The following MBNL1 variants were observed in gnomAD, a reference collection of about 807,000 sequenced individuals.
The protein encoded by MBNL1 is muscleblind like splicing regulator 1.
In MBNL1, 8 loss-of-function variants were observed where a neutral mutation model predicts 42.2. That is an observed-to-expected ratio of 0.19 (90% CI 0.11 to 0.34). MBNL1 has a LOEUF of 0.34. Among genes scored for constraint, MBNL1 ranks in the 10% least tolerant of loss-of-function variants. The pLI is 1.00. For missense variants in MBNL1, 309 were observed against 495.3 expected, an observed-to-expected ratio of 0.62 and a Z score of 3.57; for synonymous variants, 169 against 173.9, an observed-to-expected ratio of 0.97 and a Z score of 0.22.
upstream of MBNL1, chr3:152,267,579 A>C (rs1011730457): frequency 6.6e-6 from 1 of 152,150 alleles, no homozygotes; most frequent in Non-Finnish European, 1.5e-5. Context: ...GTTCTCTGAG[A>C]AAGTGTCAGT....
chr3:152,436,049 G>A (rs1362144354), intron 4 of MBNL1, among the ~76,000 whole-genome samples: 1 of 151,890 alleles, frequency 6.6e-6, no homozygotes, highest in Non-Finnish European at 1.5e-5. Context: ...TCCTCCTGAG[G>A]ATGAGGCAAT....
At chr3:152,403,831 C>T (rs1268538280) in intron 2 of MBNL1, among the ~76,000 whole-genome samples, 1 of 151,772 alleles carries the variant, frequency 6.6e-6, no homozygotes, top group Non-Finnish European at 1.5e-5. Flanking sequence ...TGCCTCAAGT[C>T]TGGGAGAGCT....
At chr3:152,301,757 G>A (rs2060809374) in intron 2 of MBNL1, among the ~76,000 whole-genome samples, 3 of 152,170 alleles carry the variant, frequency 2.0e-5, no homozygotes, top group Admixed American at 6.5e-5. Flanking sequence ...CTCCGTGAAT[G>A]TGTATTCCTA....
chr3:152,358,584 A>G (rs1366667161), intron 2 of MBNL1, among the ~76,000 whole-genome samples: 1 of 152,012 alleles, frequency 6.6e-6, no homozygotes. Flanking sequence ...TATCCAACTG[A>G]TGACATTCTG....
chr3:152,457,906 G>T, intron 8 of MBNL1: 1 of 483,946 alleles, frequency 2.1e-6, no homozygotes, highest in Non-Finnish European at 3.7e-6. Context: ...CATAATCTTG[G>T]ATCTTCATAC....
At chr3:152,375,086 T>C (rs6765074) in intron 2 of MBNL1, among the ~76,000 whole-genome samples, 70,514 of 152,042 alleles carry the variant, frequency 0.46, 16,596 homozygotes, top group East Asian at 0.64. Flanking sequence ...GCAGCCTTCC[T>C]TCTTCAGCCT....
upstream of MBNL1, chr3:152,263,598 C>T (rs2036684463): frequency 6.6e-6 from 1 of 152,168 alleles, no homozygotes; most frequent in South Asian, 2.1e-4. Flanking sequence ...TAGACAGAGC[C>T]CACTTTTGGT....
At chr3:152,427,973 A>G (rs1302992154) in intron 3 of MBNL1, among the ~76,000 whole-genome samples, 4 of 151,852 alleles carry the variant, frequency 2.6e-5, no homozygotes, top group Non-Finnish European at 4.4e-5. Context: ...ATGGTGTTTT[A>G]AGATAAATAT....
chr3:152,308,183 A>C (rs950187883), intron 2 of MBNL1, among the ~76,000 whole-genome samples: 1 of 152,188 alleles, frequency 6.6e-6, no homozygotes, highest in African/African-American at 2.4e-5. Context: ...AGTTCAGTAC[A>C]AACAGTACCT....
At chr3:152,417,714 C>A (rs1310269496) in intron 3 of MBNL1, among the ~76,000 whole-genome samples, 1 of 152,130 alleles carries the variant, frequency 6.6e-6, no homozygotes, top group African/African-American at 2.4e-5. Context: ...ACCAGAAAAA[C>A]AGGCAGAGAT....
At chr3:152,334,225 T>G (rs1019089892) in intron 2 of MBNL1, among the ~76,000 whole-genome samples, 2 of 152,226 alleles carry the variant, frequency 1.3e-5, no homozygotes, top group African/African-American at 2.4e-5. Context: ...GAACACATGC[T>G]TTGGTGTTTA....
chr3:152,313,583 C>A (rs978655585), intron 2 of MBNL1, among the ~76,000 whole-genome samples: 1 of 152,154 alleles, frequency 6.6e-6, no homozygotes, highest in Non-Finnish European at 1.5e-5. Context: ...TAGATACTAA[C>A]GGTAGCCGTT....
chr3:152,262,982 G>A (rs2036557351), intron 2 of MBNL1: 2 of 152,306 alleles, frequency 1.3e-5, no homozygotes, highest in East Asian at 3.9e-4. Context: ...ATCCCAGGTA[G>A]AGTGTTTATA....
At chr3:152,450,810 C>G (rs576199648) in intron 6 of MBNL1, among the ~76,000 whole-genome samples, 135 of 152,302 alleles carry the variant, frequency 8.9e-4, no homozygotes, top group African/African-American at 2.9e-3. Flanking sequence ...CCCAGATACT[C>G]TAGACATTTG....
chr3:152,430,783 A>G (rs898782421), intron 3 of MBNL1, among the ~76,000 whole-genome samples: 5 of 152,176 alleles, frequency 3.3e-5, no homozygotes, highest in African/African-American at 9.7e-5. Flanking sequence ...CTTGTTGATA[A>G]GATTTGGAAT....
intron 6 of MBNL1, among the ~76,000 whole-genome samples, chr3:152,449,619 A>G (rs113689728): frequency 9.5e-4 from 145 of 152,342 alleles, no homozygotes; most frequent in African/African-American, 3.3e-3. Flanking sequence ...CAAAGATGCT[A>G]GATAAAGTTC....
At chr3:152,349,529 C>A (rs1468904887) in intron 2 of MBNL1, among the ~76,000 whole-genome samples, 2 of 152,056 alleles carry the variant, frequency 1.3e-5, no homozygotes, top group South Asian at 4.1e-4. Context: ...CTGAGTTGCA[C>A]TATAAAAAAT....
At position 152,340,447 on chromosome 3, in the gene MBNL1, TTTAAG is replaced by T. The variant is rs2092850969; in HGVS notation, c.174+40082_174+40086del. The T allele has an allele frequency of 3.3e-6, 5 of 1,494,492 alleles. No individual in the cohort carries two copies. The South Asian group carries it at 6.9e-5, about 21-fold the overall frequency. The allele number at this position is 1,494,492 out of a possible 1,614,324, so 92.6% of individuals were successfully genotyped here. ...CTGCCAAGTTCAGTTCCATTTTTTT[TTTAAG>T]TAAAATATCAGACTATGTGAATTTA... On this transcript the variant is annotated intron_variant, in intron 2 of 9. Coordinates refer to ENST00000324210, the MANE Select transcript of MBNL1 (RefSeq NM_021038.5).
At chr3:152,376,918 T>C (rs2153356563) in intron 2 of MBNL1, among the ~76,000 whole-genome samples, 1 of 152,354 alleles carries the variant, frequency 6.6e-6, no homozygotes, top group African/African-American at 2.4e-5. Context: ...GCTAGTTTCA[T>C]TTCCTCACTT....
Sources: gnomAD v4.1 joint callset for allele counts (sites outside exome capture counted in the v4.1 genomes callset) on GRCh38, gnomAD v4.1.1 for gene constraint, MANE v1.5 for transcripts, NCBI Gene and HGNC (gene_info 2026-07-23, HGNC 2026-07-21) for gene names.